CPNE9: variants seen among roughly 807,000 people sequenced by gnomAD.
CPNE9 encodes copine family member 9, also known as copine-9.
Under a neutral mutation model 83.0 loss-of-function variants are expected in CPNE9, and 59 were observed. That is an observed-to-expected ratio of 0.71 (90% CI 0.58 to 0.88). The LOEUF (loss-of-function observed/expected upper bound fraction) is 0.88, where lower values mean the gene tolerates loss of function less well. CPNE9 is among the 40% of genes least tolerant of loss of function. The pLI is 0.00. For synonymous variants in CPNE9, 256 were observed against 273.4 expected, an observed-to-expected ratio of 0.94 and a Z score of 0.63; for missense variants, 619 against 720.8, an observed-to-expected ratio of 0.86 and a Z score of 1.62.
intron 7 of CPNE9, among the ~76,000 whole-genome samples, chr3:9,710,744 G>T (rs1003068374): frequency 6.6e-6 from 1 of 152,224 alleles, no homozygotes; most frequent in African/African-American, 2.4e-5. Context: ...TGAGAGAAAA[G>T]ATTGGGCCAG....
At chr3:9,714,542 A>G (rs1357367738) in intron 10 of CPNE9, among the ~76,000 whole-genome samples, 1 of 151,658 alleles carries the variant, frequency 6.6e-6, no homozygotes, top group Non-Finnish European at 1.5e-5. Flanking sequence ...AATAATAATA[A>G]TAGTAATTAC....
rs141498686 is a variant in CPNE9 at position 9,721,337 on chromosome 3, T to G, written c.1241+2735T>G. Among the ~76,000 whole-genome samples the G allele has an allele frequency of 2.0e-3, 310 of 152,354 alleles. 2 individuals carry two copies. The highest frequency in any genetic ancestry group is 2.9e-3 in the Admixed American group (45 of 15,300). On this transcript the variant is annotated intron_variant, in intron 17 of 20. Transcript: ENST00000383832. ...GAAAGCAGTCAGGCTGAAAATGTCT[T>G]TGAAGTTTCCGTATTTCATCTTAAA...
At chr3:9,713,481 A>C (rs771715090) in intron 10 of CPNE9, among the ~76,000 whole-genome samples, 3 of 152,140 alleles carry the variant, frequency 2.0e-5, no homozygotes, top group Non-Finnish European at 4.4e-5. Context: ...AATTGGACTG[A>C]TGGGTGGGTT....
chr3:9,715,228 G>C (rs1052788597), intron 11 of CPNE9, 61 bp from the exon 12 acceptor site: 5 of 1,548,148 alleles, frequency 3.2e-6, no homozygotes, highest in African/African-American at 1.4e-5. Flanking sequence ...TAAAAGACTG[G>C]GTTCAGCTCT....
In CPNE9 at chr3:9,729,635, G is replaced by A; in HGVS notation, c.1605G>A (p.Gln535=). The change falls in exon 21 of 21, where the codon CAG becomes CAA. Residue 535 remains glutamine, a synonymous_variant. Coordinates refer to ENST00000383832, the MANE Select transcript of CPNE9 (RefSeq NM_153635.3). ...CCTATATGCGCACCAGAGACATCCAGCCTCGGCCCCCACCCCCTGCCAACC... is the reference window on the plus strand; with the variant it reads ...CCTATATGCGCACCAGAGACATCCAACCTCGGCCCCCACCCCCTGCCAACC... ...LLSYMRTRDI[Q]PRPPPPANPS... 6.2e-7 allele frequency: 1 copy of A among 1,614,122 alleles called. No homozygotes were observed. The highest frequency in any genetic ancestry group is 8.5e-7 in the Non-Finnish European group (1 of 1,180,012).
intron 17 of CPNE9, among the ~76,000 whole-genome samples, chr3:9,725,295 G>A (rs985114892): frequency 1.3e-5 from 2 of 152,080 alleles, no homozygotes; most frequent in African/African-American, 4.8e-5. Flanking sequence ...AGCACTTTGA[G>A]AGGCTGAGGC....
intron 11 of CPNE9, 74 bp from the exon 12 acceptor site, chr3:9,715,215 G>A: frequency 1.3e-6 from 2 of 1,496,836 alleles, no homozygotes; most frequent in Non-Finnish European, 1.9e-6. Flanking sequence ...AGGATAGGAG[G>A]AATAAAAGAC....
rs147295565 is a variant in CPNE9, at chr3:9,714,399, T to C, written c.651-515T>C. On this transcript the variant is annotated intron_variant, in intron 10 of 20. Transcript: ENST00000383832. Reference sequence around the variant, plus strand: ...TGATAGGTAGACATATGGAATGATTTAGGCATGACAGTTAAGAACAAAGTC... The same window carrying C: ...TGATAGGTAGACATATGGAATGATTCAGGCATGACAGTTAAGAACAAAGTC... 1.3e-4 allele frequency among the ~76,000 whole-genome samples: 20 copies of C among 152,294 alleles called. No homozygotes were observed. The East Asian group carries it at 3.9e-3, about 29-fold the overall frequency.
In CPNE9 at chr3:9,713,093, T is replaced by C. The variant is rs770741049; in HGVS notation, c.650+14T>C. ...AGACTATGACAGGTTGGCTCCAGCA[T>C]AAGCTGGGGAGTAAGGAGCCAAGGA... On this transcript the variant is annotated intron_variant, in intron 10 of 20. Coordinates refer to ENST00000383832, the MANE Select transcript of CPNE9 (RefSeq NM_153635.3). The C allele has an allele frequency of 1.9e-6, 3 of 1,600,572 alleles. No homozygotes were observed. The highest frequency in any genetic ancestry group is 1.7e-4 in the Middle Eastern group (1 of 5,954).
chr3:9,716,095 GC>G, intron 14 of CPNE9, 60 bp downstream of exon 14: 1 of 1,460,160 alleles, frequency 6.8e-7, no homozygotes, highest in South Asian at 1.2e-5. Context: ...CCAGTTCTGA[GC>G]CCCAGGTTTC....
At chr3:9,719,954 G>A (rs944225415) in intron 17 of CPNE9, among the ~76,000 whole-genome samples, 4 of 151,472 alleles carry the variant, frequency 2.6e-5, no homozygotes, top group Non-Finnish European at 4.4e-5. Context: ...TCACACCACT[G>A]CACTCCAACC....
intron 7 of CPNE9, among the ~76,000 whole-genome samples, chr3:9,709,612 C>A (rs2076604704): frequency 6.6e-6 from 1 of 151,740 alleles, no homozygotes; most frequent in African/African-American, 2.4e-5. Flanking sequence ...TCGTGATCCA[C>A]CCACCTTGGC....
chr3:9,715,344 A>G lies in CPNE9; in HGVS notation c.748A>G (p.Asn250Asp), dbSNP rs2076672123. The change falls in exon 12 of 21, where the codon AAC (asparagine) becomes GAC (aspartate). Residue 250 changes from asparagine (N) to aspartate (D), a missense_variant. This residue lies in a region of CPNE9 where 438 missense variants were observed against 562.9 expected (regional missense o/e 0.78). Transcript: ENST00000383832. ...CTACCGGGAGCTGAGCAAGGCCCAG[A>G]ACCAGTTCACAGTATATGAGGTGAG... is the stretch of plus-strand genomic sequence containing the variant. ...TSYRELSKAQ[N>D]QFTVYEVLNP... is the part of the protein sequence containing the mutation. 1 of 1,614,110 alleles carries G rather than the reference A, an allele frequency of 6.2e-7. No homozygotes were observed. Among genetic ancestry groups the G allele is most frequent in the South Asian group, 1.1e-5 (1 of 91,090 alleles).
At chr3:9,724,435 C>T (rs769838745) in intron 17 of CPNE9, among the ~76,000 whole-genome samples, 59 of 152,048 alleles carry the variant, frequency 3.9e-4, no homozygotes, top group Non-Finnish European at 6.9e-4. Context: ...AGCAAGGAAG[C>T]CTTCAGCCTT....
intron 17 of CPNE9, among the ~76,000 whole-genome samples, chr3:9,722,511 GTTC>G (rs1028123530): frequency 7.3e-5 from 11 of 151,330 alleles, no homozygotes; most frequent in African/African-American, 2.7e-4. Flanking sequence ...GTCTTCTACA[GTTC>G]TTTTTTTTTT....
chr3:9,716,122 C>G, intron 14 of CPNE9, 87 bp downstream of exon 14: 1 of 1,183,802 alleles, frequency 8.4e-7, no homozygotes, highest in Non-Finnish European at 1.2e-6. Flanking sequence ...TATGAATGGT[C>G]AGGGCCCAGT....
chr3:9,709,195 G>A (rs1304530003), intron 7 of CPNE9, among the ~76,000 whole-genome samples: 1 of 147,002 alleles, frequency 6.8e-6, no homozygotes, highest in Non-Finnish European at 1.5e-5. Context: ...AAAATCGCCT[G>A]AACCCGGGAG....
intron 15 of CPNE9, 115 bp downstream of exon 15, chr3:9,717,219 A>G (rs1433230762): frequency 9.3e-7 from 1 of 1,079,382 alleles, no homozygotes; most frequent in African/African-American, 1.6e-5. Flanking sequence ...AAGAAGCCCA[A>G]ACTTAGGCAA....
chr3:9,715,592 T>C (rs2076675400), intron 13 of CPNE9, 66 bp downstream of exon 13: 2 of 1,374,152 alleles, frequency 1.5e-6, no homozygotes, highest in Non-Finnish European at 2.1e-6. Context: ...TGACACAGCA[T>C]GGCAAATATC....
Sources: gnomAD v4.1 joint callset for allele counts (sites outside exome capture counted in the v4.1 genomes callset) on GRCh38, gnomAD v4.1.1 for gene constraint, gnomAD v4.1.1 regional missense constraint, MANE v1.5 for transcripts, NCBI Gene and HGNC (gene_info 2026-07-23, HGNC 2026-07-21) for gene names.